SLC38A4: variants seen among roughly 807,000 people sequenced by gnomAD.
SLC38A4 encodes sodium-coupled neutral amino acid transporter 4.
Under a neutral mutation model 63.1 loss-of-function variants are expected in SLC38A4, and 20 were observed. The observed-to-expected ratio is 0.32, with a 90% CI of 0.22 to 0.46. The LOEUF (loss-of-function observed/expected upper bound fraction) is 0.46, where lower values mean the gene tolerates loss of function less well. Ranked by LOEUF, SLC38A4 falls within the 20% of genes least tolerant of loss-of-function variation. SLC38A4 has a pLI of 1.00. For missense variants in SLC38A4, 526 were observed against 663.6 expected (o/e 0.79, Z 2.28); for synonymous variants, 230 against 225.5 (o/e 1.02, Z -0.18).
At chr12:46,807,935 G>A (rs143746187) in intron 1 of SLC38A4, among the ~76,000 whole-genome samples, 3 of 145,914 alleles carry the variant, frequency 2.1e-5, no homozygotes, top group Non-Finnish European at 3.0e-5. Context: ...AAACAAAGAA[G>A]TAAAGATCAA....
At chr12:46,785,762 T>G (rs1342791778) in intron 5 of SLC38A4, among the ~76,000 whole-genome samples, 1 of 90,986 alleles carries the variant, frequency 1.1e-5, no homozygotes. Flanking sequence ...TTTTTTTTTT[T>G]GCATTCAGAG....
At chr12:46,814,988 G>T (rs57646407) in intron 1 of SLC38A4, among the ~76,000 whole-genome samples, 12,320 of 151,616 alleles carry the variant, frequency 0.081, 828 homozygotes, top group East Asian at 0.24. Context: ...TTAGAAATGA[G>T]GAGTTTTATT....
chr12:46,787,591 C>T (rs1938790166), intron 5 of SLC38A4, among the ~76,000 whole-genome samples: 1 of 152,126 alleles, frequency 6.6e-6, no homozygotes, highest in Admixed American at 6.6e-5. Context: ...GCATGCAGGG[C>T]TCTTAGGCTT....
At chr12:46,800,543 A>C (rs529280241) in intron 2 of SLC38A4, among the ~76,000 whole-genome samples, 2 of 151,938 alleles carry the variant, frequency 1.3e-5, no homozygotes, top group Admixed American at 6.6e-5. Flanking sequence ...GTTAACTAAA[A>C]CAACCTGAAA....
At chr12:46,772,112 G>A (rs568457574) in intron 14 of SLC38A4, among the ~76,000 whole-genome samples, 99 of 150,146 alleles carry the variant, frequency 6.6e-4, no homozygotes, top group Non-Finnish European at 1.3e-3. Flanking sequence ...AGGAGGAAGT[G>A]AGAGTCTTAG....
intron 1 of SLC38A4, among the ~76,000 whole-genome samples, chr12:46,816,494 A>C (rs1939444368): frequency 6.6e-6 from 1 of 151,970 alleles, no homozygotes; most frequent in Non-Finnish European, 1.5e-5. Context: ...CAGACAAAAA[A>C]CATTCTATAC....
intron 1 of SLC38A4, among the ~76,000 whole-genome samples, chr12:46,814,843 T>C (rs1216196560): frequency 6.6e-6 from 1 of 151,862 alleles, no homozygotes; most frequent in Non-Finnish European, 1.5e-5. Flanking sequence ...AAGGCAGTCT[T>C]GCAAGCATGC....
At chr12:46,811,483 G>A (rs1939339118) in intron 1 of SLC38A4, among the ~76,000 whole-genome samples, 1 of 152,016 alleles carries the variant, frequency 6.6e-6, no homozygotes, top group African/African-American at 2.4e-5. Context: ...GTTACTGGCA[G>A]CTGGGTGTTT....
chr12:46,793,700 G>A (rs564702934), intron 2 of SLC38A4, among the ~76,000 whole-genome samples: 1 of 152,152 alleles, frequency 6.6e-6, no homozygotes. Flanking sequence ...CATAGGTGAG[G>A]ATCAAGTTTA....
intron 2 of SLC38A4, among the ~76,000 whole-genome samples, chr12:46,797,919 A>G (rs1358732377): frequency 6.6e-6 from 1 of 152,104 alleles, no homozygotes; most frequent in African/African-American, 2.4e-5. Context: ...AAAGCATAAG[A>G]GCCTTCTATT....
chr12:46,819,216 G>T (rs1409115009), intron 1 of SLC38A4, among the ~76,000 whole-genome samples: 2 of 151,542 alleles, frequency 1.3e-5, no homozygotes, highest in South Asian at 4.2e-4. Flanking sequence ...TTAACTCTGA[G>T]GACTGAAAGA....
chr12:46,798,852 C>T (rs4537845), intron 2 of SLC38A4, among the ~76,000 whole-genome samples: 1 of 152,048 alleles, frequency 6.6e-6, no homozygotes. Context: ...AGTTGAGTGG[C>T]CTTCATGCTA....
chr12:46,788,657 CT>C (rs1336669649), intron 3 of SLC38A4, 39 bp from the exon 4 acceptor site: 2 of 1,513,934 alleles, frequency 1.3e-6, no homozygotes, highest in African/African-American at 2.7e-5. Context: ...GTGAAAACAT[CT>C]AAATATATGC....
At chr12:46,790,559 A>T (rs545199352) in intron 3 of SLC38A4, among the ~76,000 whole-genome samples, 1 of 152,274 alleles carries the variant, frequency 6.6e-6, no homozygotes, top group African/African-American at 2.4e-5. Flanking sequence ...GGACTATAAA[A>T]ACAAAAGTGC....
intron 11 of SLC38A4, 46 bp downstream of exon 11, chr12:46,778,455 G>A: frequency 6.8e-6 from 11 of 1,610,822 alleles, no homozygotes; most frequent in Non-Finnish European, 9.3e-6. Flanking sequence ...TAAAAACTTA[G>A]AAAACACATA....
At chr12:46,771,988 G>A (rs1293197194) in intron 14 of SLC38A4, among the ~76,000 whole-genome samples, 2 of 152,102 alleles carry the variant, frequency 1.3e-5, no homozygotes, top group African/African-American at 4.8e-5. Context: ...GTTCTATGCA[G>A]CTCTAGAGAC....
chr12:46,782,540 T>C lies in SLC38A4; in HGVS notation c.493+2002A>G, dbSNP rs1019505047. Reference sequence around the variant, plus strand: ...ACCTATGAGTAGTTATTTCTGAGGATGACTGACATAAACTTTTCTTGGTAA... The same window carrying C: ...ACCTATGAGTAGTTATTTCTGAGGACGACTGACATAAACTTTTCTTGGTAA... On this transcript the variant is annotated intron_variant, in intron 7 of 16. Transcript: ENST00000266579. 5.3e-5 allele frequency among the ~76,000 whole-genome samples: 8 copies of C among 152,038 alleles called. No homozygotes were observed. The East Asian group carries it at 1.5e-3, about 29-fold the overall frequency.
Position 46,780,021 on chromosome 12 carries a change from C to G in SLC38A4, c.503G>C (p.Ser168Thr), listed in dbSNP as rs957971879. Residue 168 changes from serine to threonine, a missense_variant, in exon 8 of 17, where the codon AGC (serine) becomes ACC (threonine). Ser to Thr is a moderately conservative substitution (Grantham distance 58). Transcript: ENST00000266579. ...ITMQNIGAMS[S>T]YLFIIKYELP... The stretch of plus-strand genomic sequence containing the variant: ...TTCATATTTAATGATAAAGAGGTAG[C>G]TTGACATTGCTAAAATGGAAAATGT... The G allele has an allele frequency of 5.0e-6, 8 of 1,611,480 alleles. No individual in the cohort carries two copies. The highest frequency in any genetic ancestry group is 6.8e-6 in the Non-Finnish European group (8 of 1,178,290).
At chr12:46,780,082 T>C (rs777255076) in intron 7 of SLC38A4, 52 bp from the exon 8 acceptor site, 4 of 1,346,494 alleles carry the variant, frequency 3.0e-6, no homozygotes, top group South Asian at 1.2e-5. Flanking sequence ...TGAAGTCACA[T>C]GCAAGCAAGT....
Sources: gnomAD v4.1 joint callset for allele counts (sites outside exome capture counted in the v4.1 genomes callset) on GRCh38, gnomAD v4.1.1 for gene constraint, MANE v1.5 for transcripts, NCBI Gene and HGNC (gene_info 2026-07-23, HGNC 2026-07-21) for gene names.